Variants in PHLDB3 observed in about 807,000 individuals in gnomAD.
The protein encoded by PHLDB3 is pleckstrin homology-like domain family B member 3.
Under a neutral mutation model 85.7 loss-of-function variants are expected in PHLDB3, and 86 were observed. That is an observed-to-expected ratio of 1.00 (90% confidence interval 0.84 to 1.20). The LOEUF (loss-of-function observed/expected upper bound fraction) is 1.20. Ranked by LOEUF, PHLDB3 falls within the 50% of genes most tolerant of loss-of-function variation. The probability of loss-of-function intolerance (pLI) is 0.00; values close to 1 mark genes in which losing one functional copy is unlikely to be tolerated. For missense variants in PHLDB3, 995 were observed against 873.0 expected, an observed-to-expected ratio of 1.14 and a Z score of -1.76; for synonymous variants, 376 against 349.8, an observed-to-expected ratio of 1.07 and a Z score of -0.83.
chr19:43,478,239 A>C, intron 14 of PHLDB3, 107 bp from the exon 15 acceptor site: 1 of 781,092 alleles, frequency 1.3e-6, no homozygotes, highest in Non-Finnish European at 2.1e-6. Flanking sequence ...TTGGGTAAGA[A>C]ACATGGTGAC....
At chr19:43,487,979 C>T (rs151237118) in intron 9 of PHLDB3, among the ~76,000 whole-genome samples, 2,413 of 151,862 alleles carry the variant, frequency 0.016, 36 homozygotes, top group Non-Finnish European at 0.022. Flanking sequence ...CATGGTGAAA[C>T]CCCGTCTCTA....
chr19:43,497,593 T>G (rs1487222734), intron 5 of PHLDB3, among the ~76,000 whole-genome samples, 155 bp downstream of exon 5: 2 of 152,014 alleles, frequency 1.3e-5, no homozygotes, highest in Non-Finnish European at 2.9e-5. Context: ...GCACCTGTAG[T>G]CCCAGCTACA....
Position 43,497,188 on chromosome 19 carries a change from C to G in PHLDB3, c.755G>C (p.Arg252Pro). Residue 252 changes from arginine (R) to proline (P), a missense_variant, in exon 6 of 16, where the codon CGG (arginine) becomes CCG (proline). Physicochemically the swap from Arg to Pro is moderately radical, Grantham distance 103. Coordinates refer to ENST00000292140, the MANE Select transcript of PHLDB3 (RefSeq NM_198850.4). ...ERESRQEEED[R>P]DSPGPQVPDP... ...TGGCACCTGGGGCCCAGGGCTGTCC[C>G]GATCCTCCTCCTCCTGCCGGCTCTC... The G allele has an allele frequency of 6.4e-7, 1 of 1,566,988 alleles. No individual in the cohort carries two copies. Among genetic ancestry groups the G allele is most frequent in the Non-Finnish European group, 8.6e-7 (1 of 1,158,926 alleles).
intron 4 of PHLDB3, among the ~76,000 whole-genome samples, chr19:43,500,414 A>C (rs2682553): frequency 6.6e-6 from 1 of 151,910 alleles, no homozygotes; most frequent in African/African-American, 2.4e-5. Context: ...GCATGCGATC[A>C]GCCATGCTCT....
At position 43,479,561 on chromosome 19, in the gene PHLDB3, C is replaced by T. The variant is rs1001977665; in HGVS notation, c.1518G>A (p.Pro506=). 2.2e-4 allele frequency: 64 copies of T among 297,340 alleles called. No homozygotes were observed. The highest frequency in any genetic ancestry group is 3.4e-4 in the East Asian group (2 of 5,812). 18.4% of individuals were successfully genotyped at this position (297,340 alleles called of 1,614,324 possible). The part of the protein sequence containing the change: ...APPTPPHPPG[P]RILDLRQHLE... ...GATGCTGCCGGAGATCCAAGATTCGCGGGCCTGGAGGGTGGGGTGGGGTGG... is the reference window on the plus strand; with the variant it reads ...GATGCTGCCGGAGATCCAAGATTCGTGGGCCTGGAGGGTGGGGTGGGGTGG... Residue 506 remains proline, a synonymous_variant, in exon 14 of 16, where the codon CCG becomes CCA. Transcript: ENST00000292140.
intron 13 of PHLDB3, among the ~76,000 whole-genome samples, chr19:43,479,955 C>T (rs1173417417): frequency 6.6e-6 from 1 of 151,940 alleles, no homozygotes; most frequent in African/African-American, 2.4e-5. Flanking sequence ...CACCCTGAAA[C>T]ATCAGAGGCC....
At chr19:43,501,896 G>C in intron 3 of PHLDB3, 25 bp from the exon 4 acceptor site, 3 of 1,564,564 alleles carry the variant, frequency 1.9e-6, no homozygotes, top group Non-Finnish European at 2.6e-6. Context: ...CCAGGGCTGG[G>C]GGCTCGGACG....
intron 9 of PHLDB3, among the ~76,000 whole-genome samples, chr19:43,489,534 G>A (rs908445136): frequency 5.3e-5 from 8 of 152,084 alleles, no homozygotes; most frequent in African/African-American, 7.2e-5. Flanking sequence ...AGTGAACAGC[G>A]TAGGAGGGGG....
At chr19:43,478,296 G>A (rs530181763) in intron 14 of PHLDB3, among the ~76,000 whole-genome samples, 164 bp from the exon 15 acceptor site, 10 of 152,256 alleles carry the variant, frequency 6.6e-5, no homozygotes, top group Admixed American at 5.2e-4. Flanking sequence ...GAATGTTAAC[G>A]CTGGATGGGA....
chr19:43,475,309 G>T lies in PHLDB3; in HGVS notation c.*101C>A. 6.8e-7 allele frequency: 1 copy of T among 1,461,560 alleles called. No homozygotes were observed. Among genetic ancestry groups the T allele is most frequent in the Non-Finnish European group, 9.2e-7 (1 of 1,081,572 alleles). The allele number at this position is 1,461,560 out of a possible 1,614,324, so 90.5% of individuals were successfully genotyped here. A position where few individuals can be genotyped will look rare whatever the true frequency, so the allele number is the denominator to read the frequency against. ...GAATTCCCGGGAGAGTTCCAAAGCG[G>T]TGCGTCCAAGTTTTCCGGCAGTGGG... On this transcript the variant is annotated 3_prime_UTR_variant, in exon 16 of 16. Coordinates refer to ENST00000292140, the MANE Select transcript of PHLDB3 (RefSeq NM_198850.4).
intron 4 of PHLDB3, among the ~76,000 whole-genome samples, chr19:43,500,974 TTTC>T (rs1420148898): frequency 7.5e-6 from 1 of 133,428 alleles, no homozygotes; most frequent in African/African-American, 2.8e-5. Flanking sequence ...CCTAAAAGGA[TTTC>T]TTATCTGTCA....
chr19:43,492,624 CAAAAAA>C (rs4028108), intron 9 of PHLDB3, among the ~76,000 whole-genome samples: 4 of 127,252 alleles, frequency 3.1e-5, no homozygotes, highest in South Asian at 2.5e-4. Context: ...GACCCTATCT[CAAAAAA>C]AAAAAAAAAA....
chr19:43,479,588 T>TGGGC lies in PHLDB3; in HGVS notation c.1490_1491insGCCC (p.Pro500HisfsTer59), dbSNP rs1971000175. 9 of 650,660 alleles carry TGGGC rather than the reference T, an allele frequency of 1.4e-5. No homozygotes were observed. Among genetic ancestry groups the TGGGC allele is most frequent in the East Asian group, 3.0e-5 (1 of 32,918 alleles). The allele number at this position is 650,660 out of a possible 1,614,324, so 40.3% of individuals were successfully genotyped here. A position where few individuals can be genotyped will look rare whatever the true frequency, so the allele number is the denominator to read the frequency against. ...GGCCTGGAGGGTGGGGTGGGGTGGG[T>TGGGC]GGGGCCTGGGGAGCAAAGAGACGGG... On this transcript the variant is annotated frameshift_variant, in exon 14 of 16. Transcript: ENST00000292140. LOFTEE classifies it high-confidence loss of function.
At chr19:43,477,979 G>T in intron 15 of PHLDB3, 68 bp downstream of exon 15, 3 of 1,299,154 alleles carry the variant, frequency 2.3e-6, no homozygotes, top group East Asian at 2.3e-5. Flanking sequence ...ATGAGCCAGG[G>T]ATGAGATAAG....
At chr19:43,503,756 T>C in intron 2 of PHLDB3, 150 bp downstream of exon 2, 2 of 857,008 alleles carry the variant, frequency 2.3e-6, no homozygotes, top group African/African-American at 1.7e-5. Context: ...GGTGTATCTC[T>C]CTCTCAGTAG....
At chr19:43,479,027 G>T (rs1433163092) in intron 14 of PHLDB3, among the ~76,000 whole-genome samples, 1 of 152,190 alleles carries the variant, frequency 6.6e-6, no homozygotes, top group Non-Finnish European at 1.5e-5. Flanking sequence ...CCATTGGGGG[G>T]CTGGGGGCAG....
Position 43,502,281 on chromosome 19 carries a change from G to C in PHLDB3, c.216C>G (p.Pro72=), listed in dbSNP as rs1971626760. The C allele has an allele frequency of 7.1e-6, 11 of 1,554,318 alleles. No homozygotes were observed. The South Asian group carries it at 1.1e-4, about 15-fold the overall frequency. Residue 72 remains proline, a splice_region_variant and synonymous_variant, in exon 3 of 16, where the codon CCC becomes CCG. Coordinates refer to ENST00000292140, the MANE Select transcript of PHLDB3 (RefSeq NM_198850.4). ...GSSTESSRDA[P]EATPPIAMAA... ...CCATAGCTATCGGAGGCGTAGCCTC[G>C]GGCTGAAGTTGAGGGGGGCGTGGTT...
chr19:43,482,590 G>C (rs1486188878), intron 13 of PHLDB3, among the ~76,000 whole-genome samples: 1 of 152,206 alleles, frequency 6.6e-6, no homozygotes, highest in Non-Finnish European at 1.5e-5. Flanking sequence ...CCAGGCTGGA[G>C]AGCAGTGGTG....
intron 9 of PHLDB3, among the ~76,000 whole-genome samples, chr19:43,488,170 C>T (rs1689645922): frequency 6.6e-6 from 1 of 151,376 alleles, no homozygotes; most frequent in Non-Finnish European, 1.5e-5. Context: ...AAAAAAGTCC[C>T]ACTGCAGCCA....
Sources: gnomAD v4.1 joint callset for allele counts (sites outside exome capture counted in the v4.1 genomes callset) on GRCh38, gnomAD v4.1.1 for gene constraint, MANE v1.5 for transcripts, NCBI Gene and HGNC (gene_info 2026-07-23, HGNC 2026-07-21) for gene names.